Variants in MAG observed in about 807,000 individuals in gnomAD.
MAG encodes myelin associated glycoprotein, also known as myelin-associated glycoprotein.
A neutral mutation model predicts 60.7 loss-of-function variants in MAG; 30 were observed. The ratio of observed to expected loss-of-function variants is 0.49; its 90% CI spans 0.37 to 0.67. The LOEUF is 0.67. Among genes scored for constraint, MAG ranks in the 30% least tolerant of loss-of-function variants. The pLI is 0.00. For synonymous variants in MAG, 384 were observed against 376.8 expected (o/e 1.02, Z -0.22); for missense variants, 795 against 851.7 (o/e 0.93, Z 0.83).
At position 35,300,248 on chromosome 19, in the gene MAG, A is replaced by G. The variant is rs1486621939; in HGVS notation, c.814A>G (p.Thr272Ala). 1 of 1,593,856 alleles carries G rather than the reference A, an allele frequency of 6.3e-7. No individual in the cohort carries two copies. Among genetic ancestry groups the G allele is most frequent in the African/African-American group, 1.3e-5 (1 of 74,610 alleles). ...GADSNPPPLL[T>A]WMRDGTVLRE... ...TGACAGCAACCCCCCGCCGCTGCTG[A>G]CCTGGATGCGGGACGGGACAGTCCT... Residue 272 changes from threonine (T) to alanine (A), a missense_variant, in exon 6 of 11, where the codon ACC becomes GCC. Thr to Ala is a moderately conservative substitution (Grantham distance 58). Coordinates refer to ENST00000392213, the MANE Select transcript of MAG (RefSeq NM_002361.4).
In MAG at chr19:35,295,153, A is replaced by C. The variant is rs2066386319; in HGVS notation, c.-23-233A>C. 6.6e-6 allele frequency among the ~76,000 whole-genome samples: 1 copy of C among 152,186 alleles called. No individual in the cohort carries two copies. The highest frequency in any genetic ancestry group is 1.5e-5 in the Non-Finnish European group (1 of 68,030). ...GGTGGCGCATACCAGAAGCTGAGAC[A>C]AGAGGATAACACGAGCTCAGGATTT... On this transcript the variant is annotated intron_variant, in intron 2 of 10. Coordinates refer to ENST00000392213, the MANE Select transcript of MAG (RefSeq NM_002361.4). This position sits in a 1 kb window ranked among gnomAD's most constrained non-coding sequence, Gnocchi z 5.8.
At chr19:35,302,781 C>T (rs995332906) in intron 7 of MAG, 73 bp downstream of exon 7, 25 of 1,560,112 alleles carry the variant, frequency 1.6e-5, no homozygotes, top group Non-Finnish European at 1.9e-5. Flanking sequence ...TGTGGGTGCC[C>T]ACGCATCCCA....
chr19:35,312,563 G>A, intron 10 of MAG: 1 of 577,506 alleles, frequency 1.7e-6, no homozygotes, highest in Non-Finnish European at 3.1e-6. Flanking sequence ...GGAAGCGTGG[G>A]GGGAACCCAC....
In MAG at chr19:35,300,280, G is replaced by A. The variant is rs1036476220; in HGVS notation, c.846G>A (p.Glu282=). 6 of 1,599,322 alleles carry A rather than the reference G, an allele frequency of 3.8e-6. No individual in the cohort carries two copies. The highest frequency in any genetic ancestry group is 5.1e-6 in the Non-Finnish European group (6 of 1,178,764). ...TGCGGGACGGGACAGTCCTCCGGGA[G>A]GCGGTGGCCGAGAGCCTGCTCCTGG... ...TWMRDGTVLR[E]AVAESLLLEL... is the part of the protein sequence containing the mutation. Residue 282 remains glutamate (E), a synonymous_variant, in exon 6 of 11, where the codon GAG becomes GAA. Transcript: ENST00000392213.
intron 9 of MAG, 108 bp from the exon 10 acceptor site, chr19:35,311,810 C>T (rs2066529160): frequency 5.6e-6 from 4 of 714,416 alleles, no homozygotes; most frequent in Non-Finnish European, 9.9e-6. Flanking sequence ...CTTGCCACAT[C>T]TTAGAGATGG....
At chr19:35,307,995 G>A (rs2066497349) in intron 7 of MAG, among the ~76,000 whole-genome samples, 1 of 152,200 alleles carries the variant, frequency 6.6e-6, no homozygotes, top group African/African-American at 2.4e-5. Context: ...AAGGGTCTGG[G>A]GAGGCCGGGG....
intron 7 of MAG, among the ~76,000 whole-genome samples, chr19:35,304,418 TG>T (rs2066469795): frequency 6.6e-6 from 1 of 152,186 alleles, no homozygotes; most frequent in African/African-American, 2.4e-5. Context: ...CATTTTCCGG[TG>T]GGGTGCAGAT....
chr19:35,301,628 C>T (rs537458760), intron 6 of MAG, among the ~76,000 whole-genome samples: 17 of 152,204 alleles, frequency 1.1e-4, no homozygotes, highest in African/African-American at 4.1e-4. Context: ...GACAGGGTTT[C>T]ACCATGTTGG....
chr19:35,295,874 T>A lies in MAG; in HGVS notation c.308T>A (p.Leu103Gln), dbSNP rs199902853. 7 of 1,614,106 alleles carry A rather than the reference T, an allele frequency of 4.3e-6. No homozygotes were observed. The highest frequency in any genetic ancestry group is 5.9e-6 in the Non-Finnish European group (7 of 1,180,026). The change falls in exon 4 of 11, where the codon CTG becomes CAG. Residue 103 changes from leucine to glutamine, a missense_variant. Physicochemically the swap from Leu to Gln is moderately radical, Grantham distance 113. Transcript: ENST00000392213. This position sits in a 1 kb window ranked among gnomAD's most constrained non-coding sequence, Gnocchi z 5.8. ...CTGGGCCTGCGAAACTGCACCCTCC[T>A]GCTCAGCAACGTCAGCCCCGAGCTG... ...GDLGLRNCTL[L>Q]LSNVSPELGG...
intron 1 of MAG, 148 bp downstream of exon 1, chr19:35,292,352 C>T: frequency 2.4e-6 from 1 of 422,914 alleles, no homozygotes; most frequent in Non-Finnish European, 4.9e-6. Flanking sequence ...TGGCTTGGGG[C>T]TGCTTTGGGG....
At position 35,309,877 on chromosome 19, in the gene MAG, C is replaced by A. The variant is rs746275867; in HGVS notation, c.1235C>A (p.Ala412Asp). The A allele has an allele frequency of 6.2e-7, 1 of 1,608,758 alleles. No homozygotes were observed. Among genetic ancestry groups the A allele is most frequent in the Admixed American group, 1.7e-5 (1 of 59,990 alleles). The change falls in exon 8 of 11, where the codon GCC becomes GAC. Residue 412 changes from alanine to aspartate, a missense_variant. By Grantham distance (126) the Ala-to-Asp change is moderately radical. Coordinates refer to ENST00000392213, the MANE Select transcript of MAG (RefSeq NM_002361.4). ...ATAFNLSVEF[A>D]PVLLLESHCA... ...AGACCTGATTTTGCCCCTGCAGTCGCCCCTGTGCTCCTCCTGGAGTCCCAC... is the reference window on the plus strand; with the variant it reads ...AGACCTGATTTTGCCCCTGCAGTCGACCCTGTGCTCCTCCTGGAGTCCCAC...
intron 7 of MAG, among the ~76,000 whole-genome samples, chr19:35,308,763 G>A (rs771835169): frequency 4.6e-5 from 7 of 152,110 alleles, no homozygotes; most frequent in Non-Finnish European, 8.8e-5. Flanking sequence ...GTGAATATTC[G>A]TACTTTTTGC....
intron 9 of MAG, among the ~76,000 whole-genome samples, chr19:35,311,103 G>A (rs1264677528): frequency 6.6e-6 from 1 of 152,200 alleles, no homozygotes; most frequent in African/African-American, 2.4e-5. Flanking sequence ...AGGCCAAGGA[G>A]GAAGGATTGC....
chr19:35,309,440 T>TTTG (rs1173784222), intron 7 of MAG, among the ~76,000 whole-genome samples: 3 of 151,454 alleles, frequency 2.0e-5, no homozygotes, highest in Non-Finnish European at 4.4e-5. Context: ...TTCTTTCATT[T>TTTG]TTGTTGTTGT....
At chr19:35,296,888 C>T (rs2066402072) in intron 4 of MAG, among the ~76,000 whole-genome samples, 1 of 150,248 alleles carries the variant, frequency 6.7e-6, no homozygotes, top group African/African-American at 2.5e-5. Context: ...CTACACACTG[C>T]CCACACACCA....
At chr19:35,294,371 T>C in intron 2 of MAG, 81 bp downstream of exon 2, 1 of 411,390 alleles carries the variant, frequency 2.4e-6, no homozygotes, top group Non-Finnish European at 4.8e-6. Flanking sequence ...GTTCTTACTT[T>C]CTGGAGATCT....
intron 4 of MAG, among the ~76,000 whole-genome samples, chr19:35,298,115 A>G (rs1263370230): frequency 6.7e-6 from 1 of 150,064 alleles, no homozygotes; most frequent in Admixed American, 6.6e-5. Flanking sequence ...CACCACATAC[A>G]TACACCACAC....
intron 4 of MAG, 49 bp downstream of exon 4, chr19:35,296,030 G>T: frequency 1.3e-6 from 2 of 1,523,152 alleles, no homozygotes; most frequent in Non-Finnish European, 1.8e-6. Flanking sequence ...GCAGCGGGGC[G>T]GGAAGGAGTG....
Position 35,310,107 on chromosome 19 carries a change from A to T in MAG, c.1465A>T (p.Thr489Ser). Residue 489 changes from threonine (T) to serine (S), a missense_variant, in exon 8 of 11, where the codon ACC becomes TCC. Physicochemically the swap from Thr to Ser is moderately conservative, Grantham distance 58 (BLOSUM62 1). Transcript: ENST00000392213. ...CCAGGCCCCGCCCCGCGTCATCTGCACCGCGAGGAACCTCTATGGCGCCAA... is the reference window on the plus strand; with the variant it reads ...CCAGGCCCCGCCCCGCGTCATCTGCTCCGCGAGGAACCTCTATGGCGCCAA... ...QAQAPPRVIC[T>S]ARNLYGAKSL... is the part of the protein sequence containing the mutation. 6.2e-7 allele frequency: 1 copy of T among 1,612,262 alleles called. No homozygotes were observed. The highest frequency in any genetic ancestry group is 8.5e-7 in the Non-Finnish European group (1 of 1,179,020).
Sources: allele counts gnomAD v4.1 joint callset (sites outside exome capture counted in the v4.1 genomes callset), GRCh38; gene constraint gnomAD v4.1.1; non-coding constraint Gnocchi (gnomAD v3.1); transcripts MANE v1.5; gene names NCBI Gene and HGNC (gene_info 2026-07-23, HGNC 2026-07-21).